The following CNOT6 variants were observed in gnomAD, a reference collection of about 807,000 sequenced individuals.
CNOT6 encodes the protein CCR4-NOT transcription complex subunit 6.
Under a neutral mutation model 61.2 loss-of-function variants are expected in CNOT6, and 12 were observed. The observed-to-expected ratio is 0.20, with a 90% CI of 0.13 to 0.32. The LOEUF is 0.32. Ranked by LOEUF, CNOT6 falls within the 10% of genes least tolerant of loss-of-function variation. The pLI is 1.00. For synonymous variants in CNOT6, 225 were observed against 240.6 expected (o/e 0.94, Z 0.60); for missense variants, 405 against 663.9 (o/e 0.61, Z 4.28).
At chr5:180,569,920 TAACA>T (rs1760656625) in intron 10 of CNOT6, among the ~76,000 whole-genome samples, 1 of 152,198 alleles carries the variant, frequency 6.6e-6, no homozygotes, top group Admixed American at 6.5e-5. Context: ...GCCCTTGTAA[TAACA>T]AACTGTTTCT....
intron 1 of CNOT6, among the ~76,000 whole-genome samples, chr5:180,503,552 A>G (rs924860238): frequency 1.3e-5 from 2 of 148,162 alleles, no homozygotes; most frequent in African/African-American, 5.0e-5. Flanking sequence ...GGTGTGAGCC[A>G]CTGCCCCCGG....
chr5:180,531,853 G>A lies in CNOT6; in HGVS notation c.112+2465G>A, dbSNP rs1381530523. 2.6e-5 allele frequency among the ~76,000 whole-genome samples: 4 copies of A among 152,318 alleles called. No individual in the cohort carries two copies. In the East Asian group the frequency reaches 5.8e-4, roughly 22 times the overall value. On this transcript the variant is annotated intron_variant, in intron 2 of 11. Coordinates refer to ENST00000261951, the MANE Select transcript of CNOT6 (RefSeq NM_001370472.1). ...GCAAGAACCAGTCAGGCGTGGCGGC[G>A]CGTGCCTGCAATCCCAGGCACTCTG... is the stretch of plus-strand genomic sequence containing the variant.
chr5:180,564,217 G>A (rs773319681), intron 4 of CNOT6, among the ~76,000 whole-genome samples: 6 of 152,174 alleles, frequency 3.9e-5, no homozygotes, highest in Non-Finnish European at 7.3e-5. Context: ...ATTATTGAAA[G>A]TGTTGGCAAG....
chr5:180,568,960 T>C, intron 9 of CNOT6, 150 bp from the exon 10 acceptor site: 3 of 619,978 alleles, frequency 4.8e-6, no homozygotes, highest in Non-Finnish European at 8.4e-6. Flanking sequence ...TCGGGTTTGT[T>C]GTAGGGCACA....
At chr5:180,517,715 T>C (rs1287249276) in intron 1 of CNOT6, among the ~76,000 whole-genome samples, 2 of 152,162 alleles carry the variant, frequency 1.3e-5, no homozygotes, top group Admixed American at 1.3e-4. Context: ...AGCTAGTTTT[T>C]GTATTTTTAG....
chr5:180,500,622 A>G (rs1208829594), intron 1 of CNOT6, among the ~76,000 whole-genome samples: 1 of 151,998 alleles, frequency 6.6e-6, no homozygotes, highest in Non-Finnish European at 1.5e-5. Flanking sequence ...CGTTTTCAAA[A>G]CAAGTTTTAT....
intron 1 of CNOT6, among the ~76,000 whole-genome samples, chr5:180,509,828 G>T (rs1432762505): frequency 5.1e-4 from 61 of 120,790 alleles, no homozygotes; most frequent in South Asian, 1.1e-3. Context: ...ATACCTTGGT[G>T]TTTTTTTTTT....
chr5:180,532,122 A>G (rs1758422460), intron 2 of CNOT6, among the ~76,000 whole-genome samples: 1 of 152,230 alleles, frequency 6.6e-6, no homozygotes, highest in Non-Finnish European at 1.5e-5. Flanking sequence ...TTTCTGTGCC[A>G]GGGGAGCCCA....
chr5:180,523,716 C>T (rs997423675), intron 1 of CNOT6, among the ~76,000 whole-genome samples: 3 of 152,146 alleles, frequency 2.0e-5, no homozygotes, highest in African/African-American at 4.8e-5. Flanking sequence ...TGATTCCTAT[C>T]CCCAGCTCCC....
intron 1 of CNOT6, among the ~76,000 whole-genome samples, chr5:180,518,827 C>T (rs17080384): frequency 0.015 from 2,242 of 152,276 alleles, 49 homozygotes; most frequent in African/African-American, 0.051. Context: ...TTTATAAACG[C>T]GCTCTTTCTC....
chr5:180,501,906 T>A (rs1289087923), intron 1 of CNOT6, among the ~76,000 whole-genome samples: 1 of 151,968 alleles, frequency 6.6e-6, no homozygotes, highest in African/African-American at 2.4e-5. Context: ...GTTGATAGGA[T>A]TTGACAGGTG....
chr5:180,567,547 T>A (rs1760526439), intron 8 of CNOT6, among the ~76,000 whole-genome samples: 1 of 152,250 alleles, frequency 6.6e-6, no homozygotes, highest in South Asian at 2.1e-4. Context: ...AAACCCATAC[T>A]TTAGAAAAGA....
chr5:180,511,355 T>C (rs1757385318), intron 1 of CNOT6, among the ~76,000 whole-genome samples: 1 of 151,934 alleles, frequency 6.6e-6, no homozygotes, highest in Non-Finnish European at 1.5e-5. Flanking sequence ...CTCACGCCTG[T>C]AATCCCAGCA....
At chr5:180,547,956 A>C (rs1285024658) in intron 2 of CNOT6, among the ~76,000 whole-genome samples, 2 of 151,120 alleles carry the variant, frequency 1.3e-5, no homozygotes, top group African/African-American at 4.9e-5. Context: ...CTGGTCTTGA[A>C]CTCCTGACTT....
intron 2 of CNOT6, among the ~76,000 whole-genome samples, chr5:180,535,238 A>G (rs186031443): frequency 1.3e-5 from 2 of 152,370 alleles, no homozygotes; most frequent in East Asian, 1.9e-4. Flanking sequence ...GTGTAGTGGC[A>G]AAGTCTGGCC....
At chr5:180,558,171 C>T (rs1466800974) in intron 4 of CNOT6, among the ~76,000 whole-genome samples, 1 of 152,194 alleles carries the variant, frequency 6.6e-6, no homozygotes, top group African/African-American at 2.4e-5. Flanking sequence ...ACAGGGAACA[C>T]ACTCCAGGCT....
rs150627144 is a variant in CNOT6 at position 180,539,841 on chromosome 5, G to A, written c.113-10090G>A. On this transcript the variant is annotated intron_variant, in intron 2 of 11. Transcript: ENST00000261951. Reference sequence around the variant, plus strand: ...CCTGACCTCATGATCCGCCCGCCTCGGCCTCCCAAAGTGCTGGGATTACAG... The same window carrying A: ...CCTGACCTCATGATCCGCCCGCCTCAGCCTCCCAAAGTGCTGGGATTACAG... Among the ~76,000 whole-genome samples the A allele has an allele frequency of 6.5e-3, 991 of 151,810 alleles. 5 individuals are homozygous for A. Among genetic ancestry groups the A allele is most frequent in the African/African-American group, 0.022 (903 of 41,416 alleles).
At chr5:180,498,074 T>TA (rs1756696459) in intron 1 of CNOT6, among the ~76,000 whole-genome samples, 1 of 151,810 alleles carries the variant, frequency 6.6e-6, no homozygotes, top group African/African-American at 2.4e-5. Context: ...GAGTAAACTG[T>TA]AAACATATAC....
chr5:180,574,529 C>G lies in CNOT6; in HGVS notation c.*329C>G. ...GTGTGAACAGCGTATTCTCTTCACACAGAAATCTGTAGCACTGCTTTTTTG... is the reference window on the plus strand; with the variant it reads ...GTGTGAACAGCGTATTCTCTTCACAGAGAAATCTGTAGCACTGCTTTTTTG... On this transcript the variant is annotated 3_prime_UTR_variant, in exon 12 of 12. Transcript: ENST00000261951. 6.0e-6 allele frequency: 2 copies of G among 333,454 alleles called. No homozygotes were observed. The highest frequency in any genetic ancestry group is 2.1e-5 in the African/African-American group (1 of 47,394). 20.7% of individuals were successfully genotyped at this position (333,454 alleles called of 1,614,324 possible).
Sources: gnomAD v4.1 joint callset for allele counts (sites outside exome capture counted in the v4.1 genomes callset) on GRCh38, gnomAD v4.1.1 for gene constraint, MANE v1.5 for transcripts, NCBI Gene and HGNC (gene_info 2026-07-23, HGNC 2026-07-21) for gene names.